Variants in KCNQ1 observed in about 807,000 individuals in gnomAD.
KCNQ1 encodes the protein potassium voltage-gated channel subfamily Q member 1.
In KCNQ1, 49 loss-of-function variants were observed where a neutral mutation model predicts 72.4. The ratio of observed to expected loss-of-function variants is 0.68; its 90% CI spans 0.54 to 0.86. KCNQ1 has a LOEUF of 0.86. Among genes scored for constraint, KCNQ1 ranks in the 40% least tolerant of loss-of-function variants. The pLI is 0.00. For synonymous variants in KCNQ1, 450 were observed against 412.6 expected, an observed-to-expected ratio of 1.09 and a Z score of -1.10; for missense variants, 790 against 945.1, an observed-to-expected ratio of 0.84 and a Z score of 2.15.
Position 2,678,040 on chromosome 11 carries a change from C to T in KCNQ1, c.1514+15959C>T, listed in dbSNP as rs1038457535. The T allele has an allele frequency of 1.3e-5, 5 of 398,216 alleles. No homozygotes were observed. The highest frequency in any genetic ancestry group is 3.6e-5 in the East Asian group (1 of 28,034). 24.7% of individuals were successfully genotyped at this position (398,216 alleles called of 1,614,324 possible). A position where few individuals can be genotyped will look rare whatever the true frequency, so the allele number is the denominator to read the frequency against. ...ATCATTTGTTTTTCTTTCTTGTGAA[C>T]TATTTCTTCATACCCTTTGGACTTT... On this transcript the variant is annotated intron_variant, in intron 11 of 15. Transcript: ENST00000155840. This position sits in a 1 kb window ranked among gnomAD's most constrained non-coding sequence, Gnocchi z 4.9.
rs974173264 is a variant in KCNQ1, at chr11:2,710,671, G to T, written c.1514+48590G>T. Among the ~76,000 whole-genome samples, 1 of 152,144 alleles carries T rather than the reference G, an allele frequency of 6.6e-6. No individual in the cohort carries two copies. The highest frequency in any genetic ancestry group is 1.5e-5 in the Non-Finnish European group (1 of 68,022). ...GTTTAACATATGGTGTGAGGTAGGG[G>T]TCTAACTTTATTCTTTGTCATGTGG... On this transcript the variant is annotated intron_variant, in intron 11 of 15. Transcript: ENST00000155840. The surrounding 1 kb of genome is among the most constrained non-coding windows in gnomAD (Gnocchi z 4.1).
At position 2,543,232 on chromosome 11, in the gene KCNQ1, T is replaced by A. The variant is rs1355313246; in HGVS notation, c.477+15214T>A. ...GTTACATAGATATTTGTTTTACACA[T>A]GTATTCTCTAGTCGGTGGCTTTCCT... On this transcript the variant is annotated intron_variant, in intron 2 of 15. Coordinates refer to ENST00000155840, the MANE Select transcript of KCNQ1 (RefSeq NM_000218.3). This position sits in a 1 kb window ranked among gnomAD's most constrained non-coding sequence, Gnocchi z 5.6. Among the ~76,000 whole-genome samples, 1 of 152,252 alleles carries A rather than the reference T, an allele frequency of 6.6e-6. No individual in the cohort carries two copies. The highest frequency in any genetic ancestry group is 2.4e-5 in the African/African-American group (1 of 41,470).
Position 2,587,638 on chromosome 11 carries a change from C to G in KCNQ1, c.1197C>G (p.Ala399=), listed in dbSNP as rs756413033. 2 of 1,613,960 alleles carry G rather than the reference C, an allele frequency of 1.2e-6. No individual in the cohort carries two copies. Among genetic ancestry groups the G allele is most frequent in the Non-Finnish European group, 1.7e-6 (2 of 1,180,010 alleles). Residue 399 remains alanine, a synonymous_variant, in exon 9 of 16, where the codon GCC becomes GCG. Coordinates refer to ENST00000155840, the MANE Select transcript of KCNQ1 (RefSeq NM_000218.3). ...CCTGGAAGATCTACATCCGGAAGGC[C>G]CCCCGGAGCCACACTCTGCTGTCAC... The part of the protein sequence containing the change: ...SSTWKIYIRK[A]PRSHTLLSPS...
Position 2,772,246 on chromosome 11 carries a change from C to T in KCNQ1, c.1590+3327C>T, listed in dbSNP as rs940509955. On this transcript the variant is annotated intron_variant, in intron 12 of 15. Coordinates refer to ENST00000155840, the MANE Select transcript of KCNQ1 (RefSeq NM_000218.3). The surrounding 1 kb of genome is among the most constrained non-coding windows in gnomAD (Gnocchi z 6.6). ...GCTTGCTTGCACCCCACCCCACCCC[C>T]GCTGGCCTCAGGGGCTGCTGACATG... Among the ~76,000 whole-genome samples the T allele has an allele frequency of 6.6e-6, 1 of 152,060 alleles. No homozygotes were observed. Among genetic ancestry groups the T allele is most frequent in the Admixed American group, 6.5e-5 (1 of 15,282 alleles).
chr11:2,445,262 C>T lies in KCNQ1; in HGVS notation c.164C>T (p.Ala55Val), dbSNP rs1434978915. The change falls in exon 1 of 16, where the codon GCG becomes GTG. Residue 55 changes from alanine to valine, a missense_variant. Transcript: ENST00000155840. Reference sequence around the variant, plus strand: ...GGCGGCGCGCTCTACGCGCCCATCGCGCCCGGCGCCCCAGGTCCCGCGCCC... The same window carrying T: ...GGCGGCGCGCTCTACGCGCCCATCGTGCCCGGCGCCCCAGGTCCCGCGCCC... ...PAGGALYAPIAPGAPGPAPPA... is the reference protein window; with the variant it reads ...PAGGALYAPIVPGAPGPAPPA... 5.8e-6 allele frequency: 7 copies of T among 1,216,788 alleles called. No homozygotes were observed. The highest frequency in any genetic ancestry group is 5.1e-6 in the Non-Finnish European group (5 of 982,682). The allele number at this position is 1,216,788 out of a possible 1,614,324, so 75.4% of individuals were successfully genotyped here.
intron 11 of KCNQ1, chr11:2,684,509 T>A: frequency 2.5e-6 from 1 of 398,664 alleles, no homozygotes; most frequent in Non-Finnish European, 4.4e-6. Context: ...TTCCTCCTAT[T>A]CCACTGTTAG....
At chr11:2,485,463 A>G (rs1846726957) in intron 1 of KCNQ1, among the ~76,000 whole-genome samples, 1 of 148,850 alleles carries the variant, frequency 6.7e-6, no homozygotes, top group South Asian at 2.1e-4. Context: ...GTTTTCCTGT[A>G]TCCCCTCTTT....
intron 10 of KCNQ1, among the ~76,000 whole-genome samples, chr11:2,591,013 T>C (rs1564827177): frequency 6.6e-6 from 1 of 152,252 alleles, no homozygotes; most frequent in Non-Finnish European, 1.5e-5. Context: ...GCCGTCCCTT[T>C]ACCCTTTGGT....
chr11:2,707,817 C>A (rs146683239), intron 11 of KCNQ1, among the ~76,000 whole-genome samples: 1 of 152,244 alleles, frequency 6.6e-6, no homozygotes, highest in African/African-American at 2.4e-5. Flanking sequence ...TATCCCTCCC[C>A]CTCTGCCACA....
In KCNQ1 at chr11:2,458,822, G is replaced by A. The variant is rs985796607; in HGVS notation, c.386+13338G>A. ...TGGGGGATGGCTCTGTAGGACACAT[G>A]ACCTGATTTCCTCAGTAAGTCAATG... On this transcript the variant is annotated intron_variant, in intron 1 of 15. Coordinates refer to ENST00000155840, the MANE Select transcript of KCNQ1 (RefSeq NM_000218.3). The surrounding 1 kb of genome is among the most constrained non-coding windows in gnomAD (Gnocchi z 4.6). Among the ~76,000 whole-genome samples the A allele has an allele frequency of 1.3e-5, 2 of 152,316 alleles. No homozygotes were observed. Among genetic ancestry groups the A allele is most frequent in the Non-Finnish European group, 2.9e-5 (2 of 68,018 alleles).
chr11:2,790,849 T>C (rs1278737039), intron 15 of KCNQ1, among the ~76,000 whole-genome samples: 1 of 152,180 alleles, frequency 6.6e-6, no homozygotes, highest in African/African-American at 2.4e-5. Context: ...AAGTTCAAGT[T>C]CCGCCTCAAC....
chr11:2,751,529 C>T (rs541610378), intron 11 of KCNQ1, among the ~76,000 whole-genome samples: 2 of 152,234 alleles, frequency 1.3e-5, no homozygotes, highest in Non-Finnish European at 1.5e-5. Context: ...AGTGCAGCTC[C>T]GAAATGAGCA....
intron 6 of KCNQ1, among the ~76,000 whole-genome samples, chr11:2,576,404 C>A (rs1458118250): frequency 6.6e-6 from 1 of 152,186 alleles, no homozygotes; most frequent in Non-Finnish European, 1.5e-5. Flanking sequence ...TTTTCTTTGC[C>A]CTTGGAACAA....
At chr11:2,519,783 A>AC (rs1564804550) in intron 1 of KCNQ1, among the ~76,000 whole-genome samples, 6 of 80,632 alleles carry the variant, frequency 7.4e-5, no homozygotes, top group Admixed American at 1.3e-4. Context: ...GCCCCCCCCC[A>AC]CAACATTGGT....
At position 2,460,483 on chromosome 11, in the gene KCNQ1, T is replaced by TCCTC. The variant is rs527636669; in HGVS notation, c.386+15021_386+15024dup. Among the ~76,000 whole-genome samples, 134 of 150,488 alleles carry TCCTC rather than the reference T, an allele frequency of 8.9e-4. No homozygotes were observed. In the Middle Eastern group the frequency reaches 0.01, roughly 12 times the overall value. Reference sequence around the variant, plus strand: ...CTCAAGGCCCTGGCCTCCACAGGCCTCCTCCCTCCCTCCCTCCCTCCCTCC... The same window carrying TCCTC: ...CTCAAGGCCCTGGCCTCCACAGGCCTCCTCCCTCCCTCCCTCCCTCCCTCCCTCC... On this transcript the variant is annotated intron_variant, in intron 1 of 15. Coordinates refer to ENST00000155840, the MANE Select transcript of KCNQ1 (RefSeq NM_000218.3).
In KCNQ1 at chr11:2,599,729, T is replaced by A. The variant is rs1374024106; in HGVS notation, c.1393+10875T>A. On this transcript the variant is annotated intron_variant, in intron 10 of 15. Coordinates refer to ENST00000155840, the MANE Select transcript of KCNQ1 (RefSeq NM_000218.3). This position sits in a 1 kb window ranked among gnomAD's most constrained non-coding sequence, Gnocchi z 4.7. ...TCTTCCTGTGTCATCACATGACCAT[T>A]GCTCTGGGCACTTGCACCCTGGTGT... Among the ~76,000 whole-genome samples, 1 of 152,216 alleles carries A rather than the reference T, an allele frequency of 6.6e-6. No individual in the cohort carries two copies. Among genetic ancestry groups the A allele is most frequent in the Non-Finnish European group, 1.5e-5 (1 of 68,040 alleles).
chr11:2,681,200 G>T (rs897937513), intron 11 of KCNQ1: 14 of 398,502 alleles, frequency 3.5e-5, no homozygotes, highest in Middle Eastern at 6.2e-4. Context: ...TTTTTGCAGT[G>T]TTTGTGTTCT....
rs993093850 is a variant in KCNQ1 at position 2,759,153 on chromosome 11, A to C, written c.1515-9691A>C. On this transcript the variant is annotated intron_variant, in intron 11 of 15. Transcript: ENST00000155840. The surrounding 1 kb of genome is among the most constrained non-coding windows in gnomAD (Gnocchi z 4.4). ...CTTCCTAGGAGTCTATAATTGTTTC[A>C]AAATAAAAAGAAGCAAAACAACACA... Among the ~76,000 whole-genome samples, 1 of 151,890 alleles carries C rather than the reference A, an allele frequency of 6.6e-6. No homozygotes were observed. The highest frequency in any genetic ancestry group is 6.6e-5 in the Admixed American group (1 of 15,258).
In KCNQ1 at chr11:2,816,794, C is replaced by G. The variant is rs114871642; in HGVS notation, c.1795-30973C>G. On this transcript the variant is annotated intron_variant, in intron 15 of 15. Coordinates refer to ENST00000155840, the MANE Select transcript of KCNQ1 (RefSeq NM_000218.3). The surrounding 1 kb of genome is among the most constrained non-coding windows in gnomAD (Gnocchi z 6.8). ...TTTCCAAAGTCCCCTGCTCAGGAGG[C>G]CTTCCCTGAGCCCCTGCCCCCTCCA... Among the ~76,000 whole-genome samples, 1,307 of 152,124 alleles carry G rather than the reference C, an allele frequency of 8.6e-3. 20 individuals carry two copies. Among genetic ancestry groups the G allele is most frequent in the African/African-American group, 0.03 (1,245 of 41,494 alleles).
Sources: allele counts gnomAD v4.1 joint callset (sites outside exome capture counted in the v4.1 genomes callset), GRCh38; gene constraint gnomAD v4.1.1; non-coding constraint Gnocchi (gnomAD v3.1); transcripts MANE v1.5; gene names NCBI Gene and HGNC (gene_info 2026-07-23, HGNC 2026-07-21).